Variants in PCSK5 observed in about 807,000 individuals in gnomAD.
The protein encoded by PCSK5 is proprotein convertase subtilisin/kexin type 5, also known as prohormone convertase 5.
Under a neutral mutation model 233.2 loss-of-function variants are expected in PCSK5, and 129 were observed. The observed-to-expected ratio is 0.55, with a 90% CI of 0.48 to 0.64. PCSK5 has a LOEUF of 0.64. Ranked by LOEUF, PCSK5 falls within the 30% of genes least tolerant of loss-of-function variation. PCSK5 has a pLI of 0.00. For missense variants in PCSK5, 2,076 were observed against 2,430.1 expected (o/e 0.85, Z 3.06); for synonymous variants, 825 against 879.2 (o/e 0.94, Z 1.09).
intron 1 of PCSK5, among the ~76,000 whole-genome samples, chr9:75,893,379 A>G (rs1825689344): frequency 6.6e-6 from 1 of 152,144 alleles, no homozygotes; most frequent in Non-Finnish European, 1.5e-5. Flanking sequence ...GAACCCTTCC[A>G]TGCCATGATG....
intron 1 of PCSK5, among the ~76,000 whole-genome samples, chr9:75,924,619 G>C (rs1823398589): frequency 6.6e-6 from 1 of 152,062 alleles, no homozygotes; most frequent in African/African-American, 2.4e-5. Flanking sequence ...CACTCCCAGA[G>C]AAAAGGAATG....
intron 2 of PCSK5, among the ~76,000 whole-genome samples, chr9:75,948,623 G>A (rs780324387): frequency 9.2e-5 from 14 of 151,956 alleles, no homozygotes; most frequent in Non-Finnish European, 1.9e-4. Context: ...ATAAATATAC[G>A]TGTGCAGGTG....
At chr9:76,338,802 C>G (rs1564189866) in intron 35 of PCSK5, among the ~76,000 whole-genome samples, 1 of 152,112 alleles carries the variant, frequency 6.6e-6, no homozygotes. Context: ...GCCTCAAACT[C>G]TCCCAAGCTC....
At chr9:76,177,632 G>A (rs1035966496) in intron 14 of PCSK5, among the ~76,000 whole-genome samples, 2 of 152,160 alleles carry the variant, frequency 1.3e-5, no homozygotes, top group African/African-American at 2.4e-5. Flanking sequence ...ATAGGAGAAA[G>A]TAGATCCAAA....
chr9:76,320,937 C>G (rs553137058), intron 30 of PCSK5, among the ~76,000 whole-genome samples: 1 of 152,098 alleles, frequency 6.6e-6, no homozygotes, highest in South Asian at 2.1e-4. Flanking sequence ...GTCTCAGCCT[C>G]CCGAGTAGCT....
intron 24 of PCSK5, among the ~76,000 whole-genome samples, chr9:76,289,510 C>CACAT (rs1308225226): frequency 8.6e-6 from 1 of 115,954 alleles, no homozygotes; most frequent in African/African-American, 3.6e-5. Context: ...CACACACACA[C>CACAT]GCAACATACA....
chr9:76,266,419 G>A (rs1018715605), intron 24 of PCSK5, among the ~76,000 whole-genome samples: 1 of 152,128 alleles, frequency 6.6e-6, no homozygotes, highest in Admixed American at 6.5e-5. Context: ...AATCACAGAG[G>A]TCTCCAAATG....
intron 12 of PCSK5, among the ~76,000 whole-genome samples, chr9:76,163,945 G>T (rs1461664519): frequency 6.9e-6 from 1 of 145,228 alleles, no homozygotes; most frequent in Non-Finnish European, 1.5e-5. Context: ...CCAAATTTTG[G>T]CCTCGATTGA....
intron 20 of PCSK5, among the ~76,000 whole-genome samples, chr9:76,197,972 A>G (rs1429814268): frequency 2.0e-5 from 3 of 152,210 alleles, no homozygotes; most frequent in African/African-American, 7.2e-5. Context: ...GCTCATTAGA[A>G]CTACTTGGCA....
intron 20 of PCSK5, among the ~76,000 whole-genome samples, chr9:76,220,035 T>C (rs1362557703): frequency 6.6e-6 from 1 of 152,100 alleles, no homozygotes; most frequent in African/African-American, 2.4e-5. Context: ...CTGAGTGCAC[T>C]AGCAAACCTG....
At chr9:76,286,955 A>C (rs1162955772) in intron 24 of PCSK5, 1 of 232,992 alleles carries the variant, frequency 4.3e-6, no homozygotes, top group Admixed American at 5.4e-5. Context: ...ACCTGGATGA[A>C]AGCACACCGC....
At chr9:76,075,843 A>T (rs1413370302) in intron 7 of PCSK5, among the ~76,000 whole-genome samples, 1 of 152,222 alleles carries the variant, frequency 6.6e-6, no homozygotes, top group Non-Finnish European at 1.5e-5. Context: ...TCATCATATT[A>T]AGCTTAGCGA....
intron 24 of PCSK5, among the ~76,000 whole-genome samples, chr9:76,257,890 T>C (rs1827035874): frequency 6.6e-6 from 1 of 152,260 alleles, no homozygotes; most frequent in African/African-American, 2.4e-5. Context: ...AACTTTCCTT[T>C]ATGTATATAT....
chr9:75,926,098 GATTCTTTCATTTCCCA>G (rs1206971718), intron 1 of PCSK5, among the ~76,000 whole-genome samples: 1 of 152,104 alleles, frequency 6.6e-6, no homozygotes, highest in African/African-American at 2.4e-5. Flanking sequence ...CCACATCATG[GATTCTTTCATTTCCCA>G]ATTCTTTCAT....
chr9:75,983,740 G>T (rs572529256), intron 2 of PCSK5, among the ~76,000 whole-genome samples: 104 of 152,294 alleles, frequency 6.8e-4, no homozygotes, highest in Non-Finnish European at 1.2e-3. Flanking sequence ...GAATTTTTAA[G>T]TGTCTTTTCT....
chr9:75,985,342 G>A (rs945050576), intron 2 of PCSK5, among the ~76,000 whole-genome samples: 8 of 152,230 alleles, frequency 5.3e-5, no homozygotes, highest in South Asian at 4.1e-4. Context: ...ATATTAAGAT[G>A]TTTCTCCAAT....
chr9:76,175,075 C>T lies in PCSK5; in HGVS notation c.1846C>T (p.Arg616Cys), dbSNP rs779558515. The T allele has an allele frequency of 2.2e-5, 36 of 1,613,964 alleles. No individual in the cohort carries two copies. The highest frequency in any genetic ancestry group is 2.2e-5 in the East Asian group (1 of 44,898). The stretch of plus-strand genomic sequence containing the variant: ...TGAATTTCCGAAAGTGGAACGGTTC[C>T]GCTATAGCCGAGTTGAAGACCCCAC... ...TNEFPKVERF[R>C]YSRVEDPTDD... Residue 616 changes from arginine to cysteine, a missense_variant, in exon 14 of 38, where the codon CGC (arginine) becomes TGC (cysteine). Arg to Cys is a radical substitution (Grantham distance 180, BLOSUM62 -3). This residue lies in a region of PCSK5 where 84 missense variants were observed against 108.8 expected (regional missense o/e 0.77). Coordinates refer to ENST00000674117, the MANE Select transcript of PCSK5 (RefSeq NM_001372043.1).
At chr9:76,045,815 G>A (rs1328227839) in intron 5 of PCSK5, among the ~76,000 whole-genome samples, 1 of 152,198 alleles carries the variant, frequency 6.6e-6, no homozygotes, top group Non-Finnish European at 1.5e-5. Flanking sequence ...ATGATTTGGT[G>A]ATCTCAGTGA....
intron 5 of PCSK5, among the ~76,000 whole-genome samples, chr9:76,033,517 T>C (rs1449933542): frequency 2.0e-5 from 3 of 152,004 alleles, no homozygotes; most frequent in Non-Finnish European, 2.9e-5. Context: ...TGAATTTACA[T>C]AACGTGGACT....
Sources: gnomAD v4.1 joint callset for allele counts (sites outside exome capture counted in the v4.1 genomes callset) on GRCh38, gnomAD v4.1.1 for gene constraint, gnomAD v4.1.1 regional missense constraint, MANE v1.5 for transcripts, NCBI Gene and HGNC (gene_info 2026-07-23, HGNC 2026-07-21) for gene names.